Variants in ACTL8 observed in about 807,000 individuals in gnomAD.
ACTL8 encodes the protein actin like 8.
ACTL8 carries 3 observed loss-of-function variants against 9.3 expected under a neutral mutation model. That is an observed-to-expected ratio of 0.32 (90% CI 0.15 to 0.83). The LOEUF is 0.83. Ranked by LOEUF, ACTL8 falls within the 40% of genes least tolerant of loss-of-function variation. The probability of loss-of-function intolerance (pLI) is 0.57; values close to 1 mark genes in which losing one functional copy is unlikely to be tolerated. For synonymous variants in ACTL8, 224 were observed against 205.9 expected (o/e 1.09, Z -0.75); for missense variants, 381 against 492.2 (o/e 0.77, Z 2.14).
At position 17,826,410 on chromosome 1, in the gene ACTL8, C is replaced by G. The variant is rs1380467590; in HGVS notation, c.992C>G (p.Ser331Cys). The change falls in exon 3 of 3, where the codon TCC becomes TGC. Residue 331 changes from serine (S) to cysteine (C), a missense_variant. Physicochemically the swap from Ser to Cys is moderately radical, Grantham distance 112. This residue lies in a region of ACTL8 where 243 missense variants were observed against 276.2 expected (regional missense o/e 0.88). Coordinates refer to ENST00000375406, the MANE Select transcript of ACTL8 (RefSeq NM_030812.3). The surrounding 1 kb of genome is among the most constrained non-coding windows in gnomAD (Gnocchi z 4.5). Reference protein sequence around the residue: ...SSTKATVWEGSNRNFSVWLGA... With the variant: ...SSTKATVWEGCNRNFSVWLGA... ...ACCAAGGCCACAGTCTGGGAGGGTT[C>G]CAATAGAAACTTTAGTGTCTGGCTA... The G allele has an allele frequency of 6.2e-7, 1 of 1,614,080 alleles. No individual in the cohort carries two copies. Among genetic ancestry groups the G allele is most frequent in the East Asian group, 2.2e-5 (1 of 44,860 alleles).
rs1374166935 is a variant in ACTL8, at chr1:17,821,773, C to T, written c.-24-1212C>T. Among the ~76,000 whole-genome samples, 7 of 152,112 alleles carry T rather than the reference C, an allele frequency of 4.6e-5. No homozygotes were observed. In the East Asian group the frequency reaches 7.7e-4, roughly 17 times the overall value. ...CCTCCCAAGTAGCTGGGATTACAGG[C>T]GCACTACCACACCAGCTAATTTTTG... On this transcript the variant is annotated intron_variant, in intron 1 of 2. Transcript: ENST00000375406.
chr1:17,761,266 T>C (rs2066000438), intron 1 of ACTL8, among the ~76,000 whole-genome samples: 1 of 151,646 alleles, frequency 6.6e-6, no homozygotes, highest in African/African-American at 2.4e-5. Flanking sequence ...CCACTGTGCT[T>C]GGCCACTGTG....
intron 1 of ACTL8, among the ~76,000 whole-genome samples, chr1:17,814,271 A>G (rs1007405502): frequency 6.6e-6 from 1 of 152,226 alleles, no homozygotes. Context: ...CCAAGGCAGG[A>G]AGAACGCTTG....
At chr1:17,800,551 T>G (rs174285) in intron 1 of ACTL8, among the ~76,000 whole-genome samples, 148,170 of 149,080 alleles carry the variant, frequency 0.99, 73,635 homozygotes, top group Middle Eastern at 1. Flanking sequence ...GAGTTGTTGC[T>G]CAGTGGCAAA....
At chr1:17,789,907 G>A (rs1379126199) in intron 1 of ACTL8, among the ~76,000 whole-genome samples, 2 of 152,198 alleles carry the variant, frequency 1.3e-5, no homozygotes, top group African/African-American at 4.8e-5. Flanking sequence ...TAGGCCTGCT[G>A]GGCTCATTTC....
At chr1:17,788,811 C>T (rs1010912399) in intron 1 of ACTL8, among the ~76,000 whole-genome samples, 4 of 152,152 alleles carry the variant, frequency 2.6e-5, no homozygotes, top group African/African-American at 7.2e-5. Flanking sequence ...CCCACCATAG[C>T]GGGGATGTTG....
At chr1:17,763,604 C>T (rs575557646) in intron 1 of ACTL8, among the ~76,000 whole-genome samples, 25 of 152,304 alleles carry the variant, frequency 1.6e-4, no homozygotes, top group Middle Eastern at 3.4e-3. Flanking sequence ...GGCTCCACAG[C>T]CTTTGTAAGC....
At chr1:17,824,317 T>C (rs1056022978) in intron 2 of ACTL8, among the ~76,000 whole-genome samples, 3 of 152,130 alleles carry the variant, frequency 2.0e-5, no homozygotes, top group Non-Finnish European at 4.4e-5. Flanking sequence ...TTATGTAAGA[T>C]AGAAAGAGAG....
At position 17,822,981 on chromosome 1, in the gene ACTL8, G is replaced by C; in HGVS notation, c.-24-4G>C. 6.3e-7 allele frequency: 1 copy of C among 1,594,218 alleles called. No individual in the cohort carries two copies. On this transcript the variant is annotated splice_polypyrimidine_tract_variant and splice_region_variant and intron_variant, in intron 1 of 2. Transcript: ENST00000375406. ...ACAACTAACCCCATCCTTTGCTTCCGCAGGTCCCACCCACCTCTGCCTCCG... is the reference window on the plus strand; with the variant it reads ...ACAACTAACCCCATCCTTTGCTTCCCCAGGTCCCACCCACCTCTGCCTCCG...
At chr1:17,807,438 A>G (rs1481760955) in intron 1 of ACTL8, among the ~76,000 whole-genome samples, 4 of 152,158 alleles carry the variant, frequency 2.6e-5, no homozygotes, top group Non-Finnish European at 5.9e-5. Flanking sequence ...CAGTTTCCTT[A>G]TGAAACTGAG....
chr1:17,809,374 G>T (rs747661094), intron 1 of ACTL8, among the ~76,000 whole-genome samples: 5 of 152,114 alleles, frequency 3.3e-5, no homozygotes, highest in Non-Finnish European at 7.4e-5. Context: ...GCTGGTTTTT[G>T]GAAGGGCTAG....
intron 1 of ACTL8, among the ~76,000 whole-genome samples, chr1:17,776,834 C>T (rs2066121136): frequency 6.6e-6 from 1 of 152,052 alleles, no homozygotes; most frequent in Non-Finnish European, 1.5e-5. Context: ...GGGTCTCGCT[C>T]TAGCTCCCAG....
chr1:17,812,465 T>C (rs1345942944), intron 1 of ACTL8, among the ~76,000 whole-genome samples: 1 of 148,404 alleles, frequency 6.7e-6, no homozygotes, highest in African/African-American at 2.5e-5. Flanking sequence ...AGTCTCACTC[T>C]GTCATCCAGG....
At chr1:17,766,514 A>C (rs2066045720) in intron 1 of ACTL8, among the ~76,000 whole-genome samples, 1 of 152,200 alleles carries the variant, frequency 6.6e-6, no homozygotes, top group Non-Finnish European at 1.5e-5. Flanking sequence ...AGTTGGTTGC[A>C]GAGTAGCAAT....
chr1:17,786,725 G>A (rs546517556), intron 1 of ACTL8, among the ~76,000 whole-genome samples: 3 of 152,046 alleles, frequency 2.0e-5, no homozygotes, highest in South Asian at 4.2e-4. Context: ...TTAGAGATAC[G>A]GTCTCACTCT....
intron 1 of ACTL8, among the ~76,000 whole-genome samples, chr1:17,769,863 G>T (rs199911661): frequency 6.6e-6 from 1 of 152,136 alleles, no homozygotes; most frequent in Non-Finnish European, 1.5e-5. Flanking sequence ...TTAAATGTTA[G>T]CAACTTATTT....
intron 1 of ACTL8, among the ~76,000 whole-genome samples, chr1:17,775,435 A>G (rs1302504440): frequency 6.6e-6 from 1 of 152,018 alleles, no homozygotes; most frequent in East Asian, 1.9e-4. Context: ...CGGGCTGGGG[A>G]GGTGGAAGAT....
At chr1:17,796,504 C>T (rs2066278305) in intron 1 of ACTL8, among the ~76,000 whole-genome samples, 5 of 152,158 alleles carry the variant, frequency 3.3e-5, no homozygotes, top group Admixed American at 2.0e-4. Flanking sequence ...AACTGAGGCT[C>T]GCATGGGAGA....
intron 1 of ACTL8, among the ~76,000 whole-genome samples, chr1:17,816,631 G>T (rs906254462): frequency 2.0e-5 from 3 of 152,172 alleles, no homozygotes; most frequent in African/African-American, 7.2e-5. Flanking sequence ...CCTGTTGCAC[G>T]CAGCCTGCAA....
Sources: gnomAD v4.1 joint callset for allele counts (sites outside exome capture counted in the v4.1 genomes callset) on GRCh38, gnomAD v4.1.1 for gene constraint, gnomAD v4.1.1 regional missense constraint, Gnocchi (gnomAD v3.1) non-coding constraint, MANE v1.5 for transcripts, NCBI Gene and HGNC (gene_info 2026-07-23, HGNC 2026-07-21) for gene names.